Variants in PPP3CA observed in about 807,000 individuals in gnomAD.
PPP3CA encodes the protein protein phosphatase 3 catalytic subunit alpha, also known as CAM-PRP catalytic subunit.
In PPP3CA, 14 loss-of-function variants were observed where a neutral mutation model predicts 66.5. The ratio of observed to expected loss-of-function variants is 0.21; its 90% CI spans 0.14 to 0.33. The LOEUF (loss-of-function observed/expected upper bound fraction) is 0.33. PPP3CA is among the 10% of genes least tolerant of loss of function. The probability of loss-of-function intolerance (pLI) is 1.00; values close to 1 mark genes in which losing one functional copy is unlikely to be tolerated. For synonymous variants in PPP3CA, 232 were observed against 226.2 expected, an observed-to-expected ratio of 1.03 and a Z score of -0.23; for missense variants, 317 against 639.5, an observed-to-expected ratio of 0.50 and a Z score of 5.44.
At chr4:101,030,323 G>A (rs1383062295) in intron 12 of PPP3CA, among the ~76,000 whole-genome samples, 4 of 151,948 alleles carry the variant, frequency 2.6e-5, no homozygotes, top group African/African-American at 7.2e-5. Context: ...ACTTACTTAC[G>A]GTGGATTCGA....
At chr4:101,324,976 T>C (rs1729167264) in intron 1 of PPP3CA, among the ~76,000 whole-genome samples, 2 of 152,206 alleles carry the variant, frequency 1.3e-5, no homozygotes, top group South Asian at 4.1e-4. Context: ...AACTAGTGCA[T>C]GTTAAAGCAT....
Position 101,063,361 on chromosome 4 carries a change from A to C in PPP3CA, c.956-4T>G. On this transcript the variant is annotated splice_region_variant and splice_polypyrimidine_tract_variant and intron_variant, in intron 8 of 13. Coordinates refer to ENST00000394854, the MANE Select transcript of PPP3CA (RefSeq NM_000944.5). Reference sequence around the variant, plus strand: ...TTCTCATACTTCAATACTGCAGCTAAAAATAACCAAAAGAGGATGTTAGGA... The same window carrying C: ...TTCTCATACTTCAATACTGCAGCTACAAATAACCAAAAGAGGATGTTAGGA... The C allele has an allele frequency of 6.2e-7, 1 of 1,603,236 alleles. No individual in the cohort carries two copies. The highest frequency in any genetic ancestry group is 2.2e-5 in the East Asian group (1 of 44,636).
intron 1 of PPP3CA, 89 bp downstream of exon 1, chr4:101,346,650 C>T: frequency 9.1e-7 from 1 of 1,096,866 alleles, no homozygotes; most frequent in Non-Finnish European, 1.3e-6. Context: ...GAACCTGGGG[C>T]GGGGGAGGGG....
chr4:101,253,763 C>T (rs952855033), intron 1 of PPP3CA, among the ~76,000 whole-genome samples: 3 of 152,032 alleles, frequency 2.0e-5, no homozygotes, highest in Non-Finnish European at 4.4e-5. Context: ...TCACATTATT[C>T]TAGGCTTAAT....
At chr4:101,034,723 G>A (rs1042864162) in intron 11 of PPP3CA, among the ~76,000 whole-genome samples, 1 of 152,104 alleles carries the variant, frequency 6.6e-6, no homozygotes, top group African/African-American at 2.4e-5. Flanking sequence ...AAAAATAATA[G>A]GTTTGAGATA....
rs200771043 is a variant in PPP3CA at position 101,270,864 on chromosome 4, TAC to T, written c.59-74750_59-74749del. On this transcript the variant is annotated intron_variant, in intron 1 of 13. Coordinates refer to ENST00000394854, the MANE Select transcript of PPP3CA (RefSeq NM_000944.5). The stretch of plus-strand genomic sequence containing the variant: ...AGTTTGAACCCCAAAGTAGATTAAA[TAC>T]AGTGTGACTTTATGAATTTTTAAGA... 7.3e-3 allele frequency among the ~76,000 whole-genome samples: 1,112 copies of T among 152,290 alleles called. 10 individuals are homozygous for T. Among genetic ancestry groups the T allele is most frequent in the African/African-American group, 0.026 (1,064 of 41,564 alleles).
chr4:101,342,922 T>G (rs947643156), intron 1 of PPP3CA, among the ~76,000 whole-genome samples: 1 of 152,172 alleles, frequency 6.6e-6, no homozygotes, highest in Non-Finnish European at 1.5e-5. Context: ...TAATAATACT[T>G]AACTAGCATC....
chr4:101,210,282 A>T (rs1409537425), intron 1 of PPP3CA, among the ~76,000 whole-genome samples: 2 of 152,180 alleles, frequency 1.3e-5, no homozygotes, highest in African/African-American at 4.8e-5. Flanking sequence ...ATAATCAATT[A>T]CTCAGTACCC....
At chr4:101,067,270 C>A (rs1291022355) in intron 8 of PPP3CA, among the ~76,000 whole-genome samples, 1 of 152,058 alleles carries the variant, frequency 6.6e-6, no homozygotes, top group African/African-American at 2.4e-5. Context: ...TTTTATAGTA[C>A]CTGTAGAACC....
At chr4:101,035,553 A>G (rs1285098905) in intron 11 of PPP3CA, among the ~76,000 whole-genome samples, 1 of 152,194 alleles carries the variant, frequency 6.6e-6, no homozygotes, top group Non-Finnish European at 1.5e-5. Flanking sequence ...CTTGGGCTTC[A>G]GTTTCCTTAT....
At chr4:101,026,920 C>CAAAA (rs900923224) in intron 13 of PPP3CA, among the ~76,000 whole-genome samples, 3 of 152,060 alleles carry the variant, frequency 2.0e-5, no homozygotes, top group African/African-American at 4.8e-5. Context: ...CAATATTTAG[C>CAAAA]AAAAATGCAT....
intron 11 of PPP3CA, among the ~76,000 whole-genome samples, chr4:101,034,871 G>A (rs541432588): frequency 2.5e-4 from 38 of 152,158 alleles, no homozygotes; most frequent in African/African-American, 8.7e-4. Flanking sequence ...TCTAAAGAAC[G>A]AACACAATTT....
intron 2 of PPP3CA, among the ~76,000 whole-genome samples, chr4:101,171,833 AT>A (rs970318947): frequency 2.6e-5 from 4 of 152,180 alleles, no homozygotes; most frequent in Non-Finnish European, 1.5e-5. Context: ...AATCTGTTTA[AT>A]ACCGATTTCT....
chr4:101,106,623 T>A (rs1459781461), intron 3 of PPP3CA, among the ~76,000 whole-genome samples: 1 of 152,078 alleles, frequency 6.6e-6, no homozygotes, highest in Non-Finnish European at 1.5e-5. Context: ...CCTGGCCACA[T>A]ACGAAATCAC....
At chr4:101,244,780 T>C (rs1049952016) in intron 1 of PPP3CA, among the ~76,000 whole-genome samples, 1 of 152,218 alleles carries the variant, frequency 6.6e-6, no homozygotes, top group Admixed American at 6.5e-5. Context: ...TGGAATTAGT[T>C]ACTATGCAAT....
intron 10 of PPP3CA, 49 bp downstream of exon 10, chr4:101,061,038 A>C (rs1033170071): frequency 1.4e-6 from 2 of 1,457,152 alleles, no homozygotes; most frequent in Admixed American, 1.7e-5. Flanking sequence ...ATGAGACTCT[A>C]AGTAATTATC....
At chr4:101,163,622 T>C (rs1359306893) in intron 2 of PPP3CA, among the ~76,000 whole-genome samples, 1 of 152,150 alleles carries the variant, frequency 6.6e-6, no homozygotes, top group East Asian at 1.9e-4. Context: ...TGCTTCCCTC[T>C]CTTCTCTTTC....
rs188663502 is a variant in PPP3CA, at chr4:101,318,284, T to C, written c.58+28455A>G. On this transcript the variant is annotated intron_variant, in intron 1 of 13. Transcript: ENST00000394854. The stretch of plus-strand genomic sequence containing the variant: ...CCAGTGCCAATTAAATTATTCCTTT[T>C]AAACTGAGTTCATAGCATACTTAAA... Among the ~76,000 whole-genome samples, 230 of 152,350 alleles carry C rather than the reference T, an allele frequency of 1.5e-3. 1 individual carries two copies. The highest frequency in any genetic ancestry group is 5.2e-3 in the African/African-American group (218 of 41,584).
At chr4:101,329,537 T>C (rs1367346871) in intron 1 of PPP3CA, among the ~76,000 whole-genome samples, 2 of 152,166 alleles carry the variant, frequency 1.3e-5, no homozygotes, top group East Asian at 3.8e-4. Context: ...AAATTTTCAA[T>C]AGGGATGAAA....
Sources: allele counts gnomAD v4.1 joint callset (sites outside exome capture counted in the v4.1 genomes callset), GRCh38; gene constraint gnomAD v4.1.1; transcripts MANE v1.5; gene names NCBI Gene and HGNC (gene_info 2026-07-23, HGNC 2026-07-21).